The following CCDC73 variants were observed in gnomAD, a reference collection of about 807,000 sequenced individuals.
CCDC73 encodes the protein coiled-coil domain containing 73.
A neutral mutation model predicts 116.5 loss-of-function variants in CCDC73; 95 were observed. That is an observed-to-expected ratio of 0.82 (90% confidence interval 0.69 to 0.97). The LOEUF (loss-of-function observed/expected upper bound fraction) is 0.97. CCDC73 is among the 50% of genes least tolerant of loss of function. The pLI, the probability that CCDC73 is intolerant of heterozygous loss-of-function variation, is 0.00. For missense variants in CCDC73, 1,066 were observed against 1,206.8 expected, an observed-to-expected ratio of 0.88 and a Z score of 1.73; for synonymous variants, 398 against 401.3, an observed-to-expected ratio of 0.99 and a Z score of 0.10.
chr11:32,638,509 T>A (rs902131974), intron 13 of CCDC73, among the ~76,000 whole-genome samples: 1 of 151,976 alleles, frequency 6.6e-6, no homozygotes, highest in Non-Finnish European at 1.5e-5. Context: ...TGAGACAGAG[T>A]CTTGTTCTCT....
chr11:32,660,763 T>G (rs1051997331), intron 9 of CCDC73, among the ~76,000 whole-genome samples: 5 of 152,008 alleles, frequency 3.3e-5, no homozygotes, highest in Admixed American at 3.3e-4. Context: ...TCACCAGCAC[T>G]GCAGTGAGTT....
At position 32,613,491 on chromosome 11, in the gene CCDC73, T is replaced by G. The variant is rs1295296706; in HGVS notation, c.2827A>C (p.Lys943Gln). 9.3e-6 allele frequency: 15 copies of G among 1,614,052 alleles called. No individual in the cohort carries two copies. The highest frequency in any genetic ancestry group is 1.3e-5 in the Non-Finnish European group (15 of 1,180,018). Residue 943 changes from lysine (K) to glutamine (Q), a missense_variant, in exon 16 of 18, where the codon AAA (lysine) becomes CAA (glutamine). Physicochemically the swap from Lys to Gln is moderately conservative, Grantham distance 53. Coordinates refer to ENST00000335185, the MANE Select transcript of CCDC73 (RefSeq NM_001008391.4). ...CAAAGAGCCATTGAAATGATCTTTT[T>G]GTTTTCTGATGGATCTAGTGGTCTC... is the stretch of plus-strand genomic sequence containing the variant. ...KERPLDPSEN[K>Q]KIISMALCKN...
intron 1 of CCDC73, among the ~76,000 whole-genome samples, chr11:32,776,997 A>ATATATATATATATATACATG (rs1850541903): frequency 8.1e-5 from 6 of 74,432 alleles, no homozygotes; most frequent in African/African-American, 2.9e-4. Flanking sequence ...ATGTATATAT[A>ATATATATATATATATACATG]TATATATATA....
chr11:32,826,655 AAAAAC>A, the CCDC73 span, among the ~76,000 whole-genome samples: 3 of 133,002 alleles, frequency 2.3e-5, no homozygotes, highest in Non-Finnish European at 3.2e-5. Context: ...TCAAAAAAAA[AAAAAC>A]AAAAAAAAAA....
intron 8 of CCDC73, 117 bp from the exon 9 acceptor site, chr11:32,675,761 G>A: frequency 1.7e-6 from 2 of 1,185,956 alleles, no homozygotes; most frequent in African/African-American, 3.1e-5. Context: ...TTTAATTTAG[G>A]TAACAGTTAT....
chr11:32,811,080 A>C, the CCDC73 span, among the ~76,000 whole-genome samples: 13 of 120,030 alleles, frequency 1.1e-4, no homozygotes, highest in Non-Finnish European at 2.2e-4. Flanking sequence ...ACAACAACAA[A>C]AAAAAAAAAC....
intron 2 of CCDC73, among the ~76,000 whole-genome samples, chr11:32,736,902 A>G (rs1220885591): frequency 6.6e-6 from 1 of 151,498 alleles, no homozygotes; most frequent in Non-Finnish European, 1.5e-5. Flanking sequence ...TCAGCAAACT[A>G]TCATAAGGAC....
At chr11:32,745,508 T>C (rs1426571423) in intron 2 of CCDC73, among the ~76,000 whole-genome samples, 1 of 152,146 alleles carries the variant, frequency 6.6e-6, no homozygotes, top group South Asian at 2.1e-4. Context: ...GGTGTTAAAG[T>C]CTCCCACTAT....
At chr11:32,830,580 G>A in the CCDC73 span, 4 of 1,612,152 alleles carry the variant, frequency 2.5e-6, no homozygotes, top group Middle Eastern at 1.6e-4. Context: ...TTACCCTGGG[G>A]TTTCCTCATT....
At position 32,626,683 on chromosome 11, in the gene CCDC73, A is replaced by G. The variant is rs192837573; in HGVS notation, c.1185+9013T>C. ...TCAGAAATAATGCCACATATCTACA[A>G]CTATCTGATCTTTGACAAACCTGAC... On this transcript the variant is annotated intron_variant, in intron 14 of 17. Transcript: ENST00000335185. Among the ~76,000 whole-genome samples the G allele has an allele frequency of 1.8e-3, 280 of 152,334 alleles. 3 individuals are homozygous for G. The highest frequency in any genetic ancestry group is 6.3e-3 in the African/African-American group (262 of 41,562).
Position 32,614,311 on chromosome 11 carries a change from A to G in CCDC73, c.2007T>C (p.Thr669=). 1 of 1,612,478 alleles carries G rather than the reference A, an allele frequency of 6.2e-7. No individual in the cohort carries two copies. Among genetic ancestry groups the G allele is most frequent in the Non-Finnish European group, 8.5e-7 (1 of 1,179,106 alleles). The part of the protein sequence containing the change: ...QCKIKQIQLL[T]KKSECSILLS... ...GTAATATGCTGCACTCACTTTTTTT[A>G]GTTAACAGTTGTATTTGTTTTATTT... The change falls in exon 16 of 18, where the codon ACT becomes ACC. Residue 669 remains threonine, a synonymous_variant. Transcript: ENST00000335185.
At chr11:32,734,018 C>G (rs1228013899) in intron 2 of CCDC73, among the ~76,000 whole-genome samples, 2 of 152,082 alleles carry the variant, frequency 1.3e-5, no homozygotes, top group Non-Finnish European at 2.9e-5. Flanking sequence ...AATTGATTAA[C>G]CACTAGCAAG....
At chr11:32,659,024 C>T (rs1188368566) in intron 9 of CCDC73, among the ~76,000 whole-genome samples, 1 of 152,106 alleles carries the variant, frequency 6.6e-6, no homozygotes, top group Admixed American at 6.5e-5. Context: ...CAGATTCTTT[C>T]AAAAGCTAAA....
At chr11:32,699,007 G>A (rs575995008) in intron 6 of CCDC73, among the ~76,000 whole-genome samples, 3 of 151,664 alleles carry the variant, frequency 2.0e-5, no homozygotes, top group Non-Finnish European at 2.9e-5. Context: ...TGTTAAAAAT[G>A]TATCTATTTA....
At chr11:32,725,451 C>T (rs960442124) in intron 2 of CCDC73, among the ~76,000 whole-genome samples, 1 of 152,132 alleles carries the variant, frequency 6.6e-6, no homozygotes, top group Admixed American at 6.6e-5. Flanking sequence ...ACTTATCCCC[C>T]ACAAAATAAG....
intron 7 of CCDC73, chr11:32,680,736 G>A (rs1454623450): frequency 1.3e-5 from 2 of 152,040 alleles, no homozygotes; most frequent in East Asian, 1.9e-4. Flanking sequence ...AAAACAATCA[G>A]TTTGTTAAGA....
At chr11:32,810,353 TGAGA>T in the CCDC73 span, among the ~76,000 whole-genome samples, 10 of 152,368 alleles carry the variant, frequency 6.6e-5, no homozygotes, top group Non-Finnish European at 1.3e-4. Flanking sequence ...GCTTTTTGGT[TGAGA>T]GACTCTCTAA....
At chr11:32,652,679 G>A (rs1855836944) in intron 12 of CCDC73, among the ~76,000 whole-genome samples, 1 of 152,178 alleles carries the variant, frequency 6.6e-6, no homozygotes, top group South Asian at 2.1e-4. Flanking sequence ...AGAGGATGAT[G>A]AGGTGTTTGT....
chr11:32,680,191 C>A (rs1050868547), intron 7 of CCDC73: 14 of 152,038 alleles, frequency 9.2e-5, no homozygotes, highest in African/African-American at 3.4e-4. Context: ...TTTAAATTCT[C>A]TGAAAAGCAA....
Sources: gnomAD v4.1 joint callset for allele counts (sites outside exome capture counted in the v4.1 genomes callset) on GRCh38, gnomAD v4.1.1 for gene constraint, MANE v1.5 for transcripts, NCBI Gene and HGNC (gene_info 2026-07-23, HGNC 2026-07-21) for gene names.